ARMH3: variants seen among roughly 807,000 people sequenced by gnomAD.
The protein encoded by ARMH3 is armadillo like helical domain containing 3.
A neutral mutation model predicts 99.1 loss-of-function variants in ARMH3; 60 were observed. The observed-to-expected ratio is 0.61, with a 90% CI of 0.49 to 0.75. The LOEUF (loss-of-function observed/expected upper bound fraction) is 0.75, where lower values mean the gene tolerates loss of function less well. Among genes scored for constraint, ARMH3 ranks in the 30% least tolerant of loss-of-function variants. ARMH3 has a pLI of 0.00. For missense variants in ARMH3, 679 were observed against 843.1 expected (o/e 0.81, Z 2.41); for synonymous variants, 285 against 292.8 (o/e 0.97, Z 0.27).
At chr10:101,970,880 G>T (rs564427421) in intron 20 of ARMH3, among the ~76,000 whole-genome samples, 8 of 151,930 alleles carry the variant, frequency 5.3e-5, no homozygotes, top group Non-Finnish European at 7.4e-5. Flanking sequence ...AACAGGCCCT[G>T]CCCTCCAGGA....
At chr10:101,849,585 G>A (rs2135252114) in intron 25 of ARMH3, among the ~76,000 whole-genome samples, 191 bp downstream of exon 25, 1 of 152,348 alleles carries the variant, frequency 6.6e-6, no homozygotes. Flanking sequence ...CTGCAAAGGA[G>A]AAGTAGGCAA....
In ARMH3 at chr10:102,023,564, CTG is replaced by C; in HGVS notation, c.583-3_583-2del. On this transcript the variant is annotated splice_acceptor_variant and splice_polypyrimidine_tract_variant and intron_variant, in intron 7 of 25. Transcript: ENST00000370033. LOFTEE classifies it high-confidence loss of function. ...TACGACTTGGGGGATGGGAAAGTAT[CTG>C]TAACAAGAACCAAAAATGCATGAGA... 6.2e-7 allele frequency: 1 copy of C among 1,613,924 alleles called. No individual in the cohort carries two copies. Among genetic ancestry groups the C allele is most frequent in the Non-Finnish European group, 8.5e-7 (1 of 1,179,898 alleles).
intron 23 of ARMH3, among the ~76,000 whole-genome samples, chr10:101,939,597 G>A (rs1477350385): frequency 6.6e-6 from 1 of 152,122 alleles, no homozygotes; most frequent in Non-Finnish European, 1.5e-5. Flanking sequence ...GAACACTCTG[G>A]CAACTAGCAT....
At chr10:101,945,672 C>T (rs560337893) in intron 22 of ARMH3, among the ~76,000 whole-genome samples, 91 of 150,356 alleles carry the variant, frequency 6.1e-4, no homozygotes, top group African/African-American at 2.1e-3. Flanking sequence ...GAGCTGAGAG[C>T]GTGCCTGGGT....
intron 8 of ARMH3, among the ~76,000 whole-genome samples, chr10:102,019,752 C>T (rs552699606): frequency 2.6e-5 from 4 of 151,716 alleles, no homozygotes; most frequent in South Asian, 4.2e-4. Context: ...ATGGTGAAAC[C>T]CCGTCTCTAC....
chr10:102,053,925 C>A (rs989374961), intron 1 of ARMH3, among the ~76,000 whole-genome samples: 19 of 152,148 alleles, frequency 1.2e-4, no homozygotes, highest in African/African-American at 4.6e-4. Flanking sequence ...CCCAAAGTTA[C>A]ATAGTAAGTG....
At chr10:102,043,642 C>T (rs997338550) in intron 1 of ARMH3, among the ~76,000 whole-genome samples, 5 of 152,208 alleles carry the variant, frequency 3.3e-5, no homozygotes, top group African/African-American at 1.2e-4. Flanking sequence ...GCTTTTAAAT[C>T]CTTCTGGCAA....
At chr10:101,950,532 G>C (rs1844737271) in intron 22 of ARMH3, among the ~76,000 whole-genome samples, 1 of 152,190 alleles carries the variant, frequency 6.6e-6, no homozygotes, top group Non-Finnish European at 1.5e-5. Flanking sequence ...ACAGCAAAAA[G>C]TAGAAGCAAC....
At chr10:101,976,459 C>A (rs1846018997) in intron 19 of ARMH3, among the ~76,000 whole-genome samples, 1 of 151,124 alleles carries the variant, frequency 6.6e-6, no homozygotes, top group Admixed American at 6.6e-5. Context: ...TACCCATTCC[C>A]CTTATCAATG....
chr10:101,984,875 C>G (rs561435975), intron 19 of ARMH3, among the ~76,000 whole-genome samples: 4 of 151,844 alleles, frequency 2.6e-5, no homozygotes, highest in Non-Finnish European at 5.9e-5. Context: ...TCAAGACCAG[C>G]CTGGCCAAGA....
chr10:101,919,747 T>C (rs1205552585), intron 23 of ARMH3, among the ~76,000 whole-genome samples: 1 of 152,246 alleles, frequency 6.6e-6, no homozygotes, highest in Non-Finnish European at 1.5e-5. Flanking sequence ...GAAATGCTGT[T>C]GCAGATATCC....
At chr10:102,012,938 G>T in intron 9 of ARMH3, 62 bp from the exon 10 acceptor site, 2 of 1,426,354 alleles carry the variant, frequency 1.4e-6, no homozygotes, top group Non-Finnish European at 1.9e-6. Flanking sequence ...TGGTGATGAT[G>T]CTAGAACAAG....
chr10:101,967,735 G>A (rs1336812675), intron 20 of ARMH3, among the ~76,000 whole-genome samples: 3 of 152,066 alleles, frequency 2.0e-5, no homozygotes, highest in African/African-American at 7.2e-5. Flanking sequence ...AGACTCAGTC[G>A]TGGGGGGAGC....
chr10:101,872,667 G>A (rs1236146246), intron 24 of ARMH3, among the ~76,000 whole-genome samples: 1 of 151,990 alleles, frequency 6.6e-6, no homozygotes, highest in Non-Finnish European at 1.5e-5. Flanking sequence ...TTAAAAAGTT[G>A]TAATAAGTGG....
At chr10:101,925,373 TTAAGAAG>T (rs1473952152) in intron 23 of ARMH3, among the ~76,000 whole-genome samples, 4 of 152,104 alleles carry the variant, frequency 2.6e-5, no homozygotes, top group Non-Finnish European at 5.9e-5. Flanking sequence ...AGGAGATAAA[TTAAGAAG>T]TAAGAATATG....
chr10:101,977,229 T>G (rs1345880678), intron 19 of ARMH3, among the ~76,000 whole-genome samples: 1 of 152,200 alleles, frequency 6.6e-6, no homozygotes, highest in East Asian at 1.9e-4. Context: ...CAATGACATA[T>G]ATGTTTCTGA....
chr10:101,934,943 C>A (rs912642376), intron 23 of ARMH3, among the ~76,000 whole-genome samples: 16 of 151,800 alleles, frequency 1.1e-4, no homozygotes, highest in Non-Finnish European at 2.9e-5. Context: ...AAGTTTAGGA[C>A]GGGTTTTAGA....
intron 24 of ARMH3, among the ~76,000 whole-genome samples, chr10:101,866,353 G>A (rs529633393): frequency 2.0e-5 from 3 of 152,090 alleles, no homozygotes; most frequent in South Asian, 4.1e-4. Context: ...GAAAGTGCTC[G>A]CAAGAAGCAG....
rs757263218 is a variant in ARMH3, at chr10:101,867,158, T to C, written c.1861-17266A>G. 1.8e-3 allele frequency among the ~76,000 whole-genome samples: 274 copies of C among 152,338 alleles called. 1 individual carries two copies. The highest frequency in any genetic ancestry group is 2.9e-3 in the Non-Finnish European group (198 of 68,028). Reference sequence around the variant, plus strand: ...GGAAAAGAAAAACACCTAGTTTTTATCTTGCTAATCTTCTGCTAGTCTTCT... The same window carrying C: ...GGAAAAGAAAAACACCTAGTTTTTACCTTGCTAATCTTCTGCTAGTCTTCT... On this transcript the variant is annotated intron_variant, in intron 24 of 25. Coordinates refer to ENST00000370033, the MANE Select transcript of ARMH3 (RefSeq NM_024541.3).
Sources: gnomAD v4.1 joint callset for allele counts (sites outside exome capture counted in the v4.1 genomes callset) on GRCh38, gnomAD v4.1.1 for gene constraint, MANE v1.5 for transcripts, NCBI Gene and HGNC (gene_info 2026-07-23, HGNC 2026-07-21) for gene names.